Variants in CACNA2D1 observed in about 807,000 individuals in gnomAD.
The protein encoded by CACNA2D1 is calcium voltage-gated channel auxiliary subunit alpha2delta 1.
Under a neutral mutation model 171.5 loss-of-function variants are expected in CACNA2D1, and 53 were observed. The ratio of observed to expected loss-of-function variants is 0.31; its 90% CI spans 0.25 to 0.39. The LOEUF is 0.39. Among genes scored for constraint, CACNA2D1 ranks in the 10% least tolerant of loss-of-function variants. The probability of loss-of-function intolerance (pLI) is 1.00; values close to 1 mark genes in which losing one functional copy is unlikely to be tolerated. For missense variants in CACNA2D1, 903 were observed against 1,299.8 expected (o/e 0.69, Z 4.69); for synonymous variants, 442 against 443.1 (o/e 1.00, Z 0.03).
chr7:82,274,941 G>T (rs1219178588), intron 3 of CACNA2D1, among the ~76,000 whole-genome samples: 1 of 151,990 alleles, frequency 6.6e-6, no homozygotes, highest in Non-Finnish European at 1.5e-5. Context: ...TAACTTAAAG[G>T]AATAAAATAA....
intron 7 of CACNA2D1, among the ~76,000 whole-genome samples, chr7:82,078,865 A>G (rs1233586898): frequency 6.6e-6 from 1 of 152,100 alleles, no homozygotes; most frequent in Non-Finnish European, 1.5e-5. Flanking sequence ...CCTTCCAAGA[A>G]GGAGAGGAGA....
At chr7:82,033,699 C>T (rs1802985139) in intron 11 of CACNA2D1, among the ~76,000 whole-genome samples, 2 of 152,058 alleles carry the variant, frequency 1.3e-5, no homozygotes, top group Non-Finnish European at 2.9e-5. Context: ...GGTAAATCTT[C>T]TTACACTTTA....
At chr7:82,061,582 C>G (rs916180485) in intron 9 of CACNA2D1, among the ~76,000 whole-genome samples, 2 of 152,176 alleles carry the variant, frequency 1.3e-5, no homozygotes, top group Non-Finnish European at 2.9e-5. Flanking sequence ...CTCCCTGTAA[C>G]CACCCAACAG....
intron 3 of CACNA2D1, among the ~76,000 whole-genome samples, chr7:82,232,351 A>G (rs1423576643): frequency 1.6e-5 from 2 of 128,760 alleles, no homozygotes; most frequent in Non-Finnish European, 3.7e-5. Context: ...TAAAGTAACA[A>G]ATGTTCGCCT....
intron 4 of CACNA2D1, among the ~76,000 whole-genome samples, chr7:82,150,597 G>C (rs1793757457): frequency 6.6e-6 from 1 of 151,924 alleles, no homozygotes; most frequent in Admixed American, 6.6e-5. Context: ...GTTTGCAATA[G>C]AAACATCCAC....
intron 6 of CACNA2D1, among the ~76,000 whole-genome samples, chr7:82,096,069 T>C (rs1355824452): frequency 6.6e-6 from 1 of 152,198 alleles, no homozygotes; most frequent in Non-Finnish European, 1.5e-5. Context: ...CAGACATTCA[T>C]CCAATAAATA....
chr7:82,058,037 C>T (rs2131361030), intron 10 of CACNA2D1, among the ~76,000 whole-genome samples: 1 of 152,204 alleles, frequency 6.6e-6, no homozygotes, highest in African/African-American at 2.4e-5. Flanking sequence ...TTTCAGTACT[C>T]CCTCTTGTGC....
chr7:82,053,859 T>C (rs564267327), intron 10 of CACNA2D1, among the ~76,000 whole-genome samples: 3 of 152,302 alleles, frequency 2.0e-5, no homozygotes, highest in South Asian at 4.1e-4. Flanking sequence ...GAGTAATATA[T>C]TCTGTTTTCC....
At chr7:82,430,115 T>C (rs1373448398) in intron 1 of CACNA2D1, among the ~76,000 whole-genome samples, 2 of 151,150 alleles carry the variant, frequency 1.3e-5, no homozygotes, top group African/African-American at 4.9e-5. Context: ...AAATGACTGC[T>C]ATAAAAAGGC....
chr7:82,370,938 TAAC>T (rs992265383), intron 1 of CACNA2D1, among the ~76,000 whole-genome samples: 4 of 152,150 alleles, frequency 2.6e-5, no homozygotes, highest in Admixed American at 6.6e-5. Flanking sequence ...CAAGTCATAA[TAAC>T]AGACTTATCC....
At position 82,186,290 on chromosome 7, in the gene CACNA2D1, A is replaced by AAGGAAGGAAGGAAGGAAG. The variant is rs1797772703; in HGVS notation, c.295-15682_295-15681insCTTCCTTCCTTCCTTCCT. ...AGGAAGGAAGGAAGGAAGGAAGGAAAGAAAGGTGGGCCAGATTTGAGGAAG... is the reference window on the plus strand; with the variant it reads ...AGGAAGGAAGGAAGGAAGGAAGGAAAAGGAAGGAAGGAAGGAAGGAAAGGTGGGCCAGATTTGAGGAAG... On this transcript the variant is annotated intron_variant, in intron 3 of 38. Coordinates refer to ENST00000356860, the MANE Select transcript of CACNA2D1 (RefSeq NM_000722.4). Among the ~76,000 whole-genome samples the AAGGAAGGAAGGAAGGAAG allele has an allele frequency of 1.9e-3, 216 of 112,314 alleles. 1 individual carries two copies. The highest frequency in any genetic ancestry group is 3.0e-3 in the South Asian group (10 of 3,298). 73.7% of individuals were successfully genotyped at this position (112,314 alleles called of 152,430 possible).
At chr7:81,992,976 C>G (rs1414033523) in intron 20 of CACNA2D1, among the ~76,000 whole-genome samples, 1 of 152,108 alleles carries the variant, frequency 6.6e-6, no homozygotes, top group Non-Finnish European at 1.5e-5. Context: ...CAGATTCCAA[C>G]AAACCAGATT....
chr7:81,989,919 G>A (rs1295873393), intron 21 of CACNA2D1, among the ~76,000 whole-genome samples: 1 of 152,180 alleles, frequency 6.6e-6, no homozygotes, highest in Non-Finnish European at 1.5e-5. Context: ...TTGAGTCAAG[G>A]ATTACTGCAG....
chr7:82,133,343 T>C (rs988084529), intron 5 of CACNA2D1, among the ~76,000 whole-genome samples: 1 of 152,086 alleles, frequency 6.6e-6, no homozygotes, highest in African/African-American at 2.4e-5. Flanking sequence ...AAAACATGGG[T>C]TTCCCATGTT....
chr7:82,145,823 C>A (rs113648604), intron 4 of CACNA2D1, among the ~76,000 whole-genome samples: 1,366 of 135,342 alleles, frequency 0.01, 10 homozygotes, highest in Middle Eastern at 0.018. Flanking sequence ...ATTCTTTTAA[C>A]TTTGTCTTAT....
intron 12 of CACNA2D1, among the ~76,000 whole-genome samples, chr7:82,020,580 A>T (rs1801067160): frequency 6.6e-6 from 1 of 152,094 alleles, no homozygotes; most frequent in Admixed American, 6.6e-5. Context: ...TTTATAGTCA[A>T]ACTATTAGTA....
rs1797876569 is a variant in CACNA2D1, at chr7:81,994,785, T to G, written c.1734+83A>C. On this transcript the variant is annotated intron_variant, in intron 20 of 38. Transcript: ENST00000356860. ...CCTGTTTTATAAGTAAATAGTGGAT[T>G]AATAGAAAAAAAGGACAAGTTACCA... The G allele has an allele frequency of 5.3e-6, 4 of 752,636 alleles. No individual in the cohort carries two copies. The Admixed American group carries it at 5.9e-5, about 11-fold the overall frequency. The allele number at this position is 752,636 out of a possible 1,614,324, so 46.6% of individuals were successfully genotyped here.
chr7:82,032,230 C>T (rs1020822023), intron 12 of CACNA2D1, among the ~76,000 whole-genome samples: 2 of 151,898 alleles, frequency 1.3e-5, no homozygotes, highest in Admixed American at 1.3e-4. Flanking sequence ...TCTTCACAGT[C>T]TTCATTTGCT....
intron 3 of CACNA2D1, among the ~76,000 whole-genome samples, chr7:82,287,521 C>A (rs954805052): frequency 6.6e-6 from 1 of 152,080 alleles, no homozygotes; most frequent in Admixed American, 6.6e-5. Flanking sequence ...TGCTTCACTG[C>A]ACTGTTTTTT....
Sources: allele counts gnomAD v4.1 joint callset (sites outside exome capture counted in the v4.1 genomes callset), GRCh38; gene constraint gnomAD v4.1.1; transcripts MANE v1.5; gene names NCBI Gene and HGNC (gene_info 2026-07-23, HGNC 2026-07-21).